The following ZCWPW2 variants were observed in gnomAD, a reference collection of about 807,000 sequenced individuals.
ZCWPW2 encodes zinc finger CW-type PWWP domain protein 2.
ZCWPW2 carries 45 observed loss-of-function variants against 46.6 expected under a neutral mutation model. That is an observed-to-expected ratio of 0.96 (90% confidence interval 0.76 to 1.24). The LOEUF (loss-of-function observed/expected upper bound fraction) is 1.24, where lower values mean the gene tolerates loss of function less well. Among genes scored for constraint, ZCWPW2 ranks in the 50% most tolerant of loss-of-function variants. ZCWPW2 has a pLI of 0.00. For synonymous variants in ZCWPW2, 152 were observed against 137.1 expected (o/e 1.11, Z -0.76); for missense variants, 429 against 403.9 (o/e 1.06, Z -0.53).
rs558822076 is a variant in ZCWPW2, at chr3:28,450,921, C to G, written c.492+15652C>G. ...TATTGTTGATCAGCTTTCCAGATCTCTGCCTTCCTGCTGCAAAATAGACTT... is the reference window on the plus strand; with the variant it reads ...TATTGTTGATCAGCTTTCCAGATCTGTGCCTTCCTGCTGCAAAATAGACTT... On this transcript the variant is annotated intron_variant, in intron 4 of 9. Transcript: ENST00000383768. Among the ~76,000 whole-genome samples, 47 of 152,310 alleles carry G rather than the reference C, an allele frequency of 3.1e-4. No homozygotes were observed. In the South Asian group the frequency reaches 9.7e-3, roughly 32 times the overall value.
intron 3 of ZCWPW2, among the ~76,000 whole-genome samples, chr3:28,425,915 A>C (rs1696989759): frequency 6.6e-6 from 1 of 151,938 alleles, no homozygotes; most frequent in Non-Finnish European, 1.5e-5. Context: ...TTCGAGACCA[A>C]CCTGACCAAC....
Position 28,359,028 on chromosome 3 carries a change from T to G in ZCWPW2, c.-134+9825T>G, listed in dbSNP as rs151221541. Among the ~76,000 whole-genome samples, 1,480 of 152,184 alleles carry G rather than the reference T, an allele frequency of 9.7e-3. 19 individuals are homozygous for G. Among genetic ancestry groups the G allele is most frequent in the Middle Eastern group, 0.024 (7 of 294 alleles). ...TTCCCAGAAATACTTAACTGTACAT[T>G]GAGAAAGTCATTGATATGTTGAATC... On this transcript the variant is annotated intron_variant, in intron 1 of 9. Coordinates refer to ENST00000383768, the MANE Select transcript of ZCWPW2 (RefSeq NM_001040432.4).
chr3:28,475,399 C>T (rs1699202341), intron 4 of ZCWPW2, among the ~76,000 whole-genome samples: 1 of 152,152 alleles, frequency 6.6e-6, no homozygotes, highest in Admixed American at 6.5e-5. Flanking sequence ...TAAATTATTG[C>T]AATAGCCTCC....
In ZCWPW2 at chr3:28,349,229, C is replaced by T. The variant is rs1337132021; in HGVS notation, c.-134+26C>T. The T allele has an allele frequency of 6.1e-6, 6 of 984,204 alleles. No homozygotes were observed. The African/African-American group carries it at 7.0e-5, about 11-fold the overall frequency. The allele number at this position is 984,204 out of a possible 1,614,324, so 61.0% of individuals were successfully genotyped here. On this transcript the variant is annotated intron_variant, in intron 1 of 9. Coordinates refer to ENST00000383768, the MANE Select transcript of ZCWPW2 (RefSeq NM_001040432.4). ...GTAAGAGCGTTACCAGCCGTCTTGT[C>T]TGTTGGGCCGAGGTCCCCCTTCAGG...
At chr3:28,454,936 C>T (rs1201678248) in intron 4 of ZCWPW2, among the ~76,000 whole-genome samples, 1 of 152,172 alleles carries the variant, frequency 6.6e-6, no homozygotes, top group African/African-American at 2.4e-5. Context: ...AATAGTGCTA[C>T]AGTGAACACA....
At chr3:28,363,150 C>T (rs1448501471) in intron 1 of ZCWPW2, among the ~76,000 whole-genome samples, 1 of 152,064 alleles carries the variant, frequency 6.6e-6, no homozygotes, top group Non-Finnish European at 1.5e-5. Flanking sequence ...ATAATCTGTA[C>T]ACCAAACTCC....
At chr3:28,461,427 C>G (rs1243175443) in intron 4 of ZCWPW2, 1 of 151,998 alleles carries the variant, frequency 6.6e-6, no homozygotes, top group African/African-American at 2.4e-5. Flanking sequence ...CTATGAAATA[C>G]TTTACAGACC....
chr3:28,409,506 A>G (rs1696311123), intron 2 of ZCWPW2, among the ~76,000 whole-genome samples: 2 of 152,162 alleles, frequency 1.3e-5, no homozygotes, highest in South Asian at 4.1e-4. Flanking sequence ...AAAAATCTAA[A>G]TGAATATTGT....
At chr3:28,400,355 G>C (rs770434440) in intron 2 of ZCWPW2, among the ~76,000 whole-genome samples, 1 of 152,130 alleles carries the variant, frequency 6.6e-6, no homozygotes, top group Admixed American at 6.6e-5. Context: ...TAAAAGTTTG[G>C]AAAACATATT....
chr3:28,489,668 G>GCGCA (rs1453787375), intron 5 of ZCWPW2, among the ~76,000 whole-genome samples: 35 of 39,586 alleles, frequency 8.8e-4, no homozygotes, highest in South Asian at 4.1e-3. Flanking sequence ...ACACACGCGC[G>GCGCA]CACACACACA....
At chr3:28,487,700 G>A (rs756675472) in intron 5 of ZCWPW2, among the ~76,000 whole-genome samples, 4 of 152,086 alleles carry the variant, frequency 2.6e-5, no homozygotes, top group African/African-American at 4.8e-5. Flanking sequence ...GATGTTCTGG[G>A]TAAAATAACT....
At chr3:28,377,593 C>T (rs1429362457) in intron 1 of ZCWPW2, among the ~76,000 whole-genome samples, 4 of 151,984 alleles carry the variant, frequency 2.6e-5, no homozygotes, top group Non-Finnish European at 2.9e-5. Context: ...ACTTCCATGA[C>T]AATATAACTT....
intron 8 of ZCWPW2, among the ~76,000 whole-genome samples, chr3:28,517,826 C>A (rs75175869): frequency 0.028 from 4,220 of 152,174 alleles, 187 homozygotes; most frequent in African/African-American, 0.094. Flanking sequence ...TTATTTTCTA[C>A]ACATTAATTT....
At chr3:28,470,524 TA>T in intron 4 of ZCWPW2, among the ~76,000 whole-genome samples, 1 of 148,006 alleles carries the variant, frequency 6.8e-6, no homozygotes, top group East Asian at 2.0e-4. Flanking sequence ...GAAGGAAATT[TA>T]AAAATTCATT....
At chr3:28,463,607 T>C (rs1273694089) in intron 4 of ZCWPW2, among the ~76,000 whole-genome samples, 4 of 152,162 alleles carry the variant, frequency 2.6e-5, no homozygotes, top group African/African-American at 9.7e-5. Context: ...TACAAGAGTA[T>C]GTATGCAGGA....
chr3:28,350,208 G>A (rs1296522182), intron 1 of ZCWPW2, among the ~76,000 whole-genome samples: 1 of 152,172 alleles, frequency 6.6e-6, no homozygotes. Context: ...GTTTTTACAA[G>A]TAGAGTTTTG....
chr3:28,360,795 G>A lies in ZCWPW2; in HGVS notation c.-134+11592G>A, dbSNP rs187042194. Among the ~76,000 whole-genome samples the A allele has an allele frequency of 7.1e-4, 108 of 152,004 alleles. 3 individuals are homozygous for A. The East Asian group carries it at 0.018, about 25-fold the overall frequency. ...TCCTAAAACTCATATGGCATGTCAA[G>A]GGACCTTGAAAAGAAAAAAAAGCAG... On this transcript the variant is annotated intron_variant, in intron 1 of 9. Coordinates refer to ENST00000383768, the MANE Select transcript of ZCWPW2 (RefSeq NM_001040432.4).
chr3:28,353,434 A>G (rs186696768), intron 1 of ZCWPW2, among the ~76,000 whole-genome samples: 2 of 152,330 alleles, frequency 1.3e-5, no homozygotes, highest in African/African-American at 4.8e-5. Context: ...TATGAATTCA[A>G]GGAAAAGAGG....
intron 5 of ZCWPW2, among the ~76,000 whole-genome samples, chr3:28,486,599 T>A (rs1181041143): frequency 6.6e-6 from 1 of 152,140 alleles, no homozygotes; most frequent in Non-Finnish European, 1.5e-5. Context: ...TCACAGGCCA[T>A]GCACTGTGGC....
Sources: gnomAD v4.1 joint callset for allele counts (sites outside exome capture counted in the v4.1 genomes callset) on GRCh38, gnomAD v4.1.1 for gene constraint, MANE v1.5 for transcripts, NCBI Gene and HGNC (gene_info 2026-07-23, HGNC 2026-07-21) for gene names.